CROT: variants seen among roughly 807,000 people sequenced by gnomAD.
CROT encodes carnitine O-octanoyltransferase.
CROT carries 84 observed loss-of-function variants against 89.2 expected under a neutral mutation model. That is an observed-to-expected ratio of 0.94 (90% CI 0.79 to 1.13). CROT has a LOEUF of 1.13. CROT is among the 50% of genes most tolerant of loss of function. The probability of loss-of-function intolerance (pLI) is 0.00; values close to 1 mark genes in which losing one functional copy is unlikely to be tolerated. For missense variants in CROT, 711 were observed against 727.8 expected, an observed-to-expected ratio of 0.98 and a Z score of 0.27; for synonymous variants, 212 against 239.5, an observed-to-expected ratio of 0.89 and a Z score of 1.06.
Position 87,395,166 on chromosome 7 carries a change from A to G in CROT, c.1718+2099A>G, listed in dbSNP as rs558721429. Among the ~76,000 whole-genome samples the G allele has an allele frequency of 4.6e-5, 7 of 152,316 alleles. No homozygotes were observed. In the East Asian group the frequency reaches 1.4e-3, roughly 29 times the overall value. On this transcript the variant is annotated intron_variant, in intron 17 of 17. Transcript: ENST00000331536. ...GCTGAGGGGCAAGAAAGCCAGTTTGAGTCCCACAGCTGAAGAAGTTAGAGT... is the reference window on the plus strand; with the variant it reads ...GCTGAGGGGCAAGAAAGCCAGTTTGGGTCCCACAGCTGAAGAAGTTAGAGT...
chr7:87,382,535 TCA>T lies in CROT; in HGVS notation c.1294_1295del (p.His432TrpfsTer8), dbSNP rs774547630. On this transcript the variant is annotated frameshift_variant, in exon 13 of 18. Transcript: ENST00000331536. LOFTEE classifies it high-confidence loss of function. ...CACTTCAGCTGGCCTATTACAGACT[TCA>T]TGGACAGTAAGGACCATTCAGTTTC... ...LALQLAYYRL[H>X]GHPGCCYETA... is the part of the protein sequence containing the mutation. 6.2e-7 allele frequency: 1 copy of T among 1,613,574 alleles called. No individual in the cohort carries two copies. The highest frequency in any genetic ancestry group is 8.5e-7 in the Non-Finnish European group (1 of 1,179,754).
In CROT at chr7:87,381,968, T is replaced by C. The variant is rs745719984; in HGVS notation, c.1037T>C (p.Ile346Thr). ...VNISYYVDEKIFQNEGRWKGS... is the reference protein window; with the variant it reads ...VNISYYVDEKTFQNEGRWKGS... Reference sequence around the variant, plus strand: ...ATCAGTTATTATGTGGATGAGAAAATTTTTCAGAATGAAGGAAGATGGAAG... The same window carrying C: ...ATCAGTTATTATGTGGATGAGAAAACTTTTCAGAATGAAGGAAGATGGAAG... Residue 346 changes from isoleucine (I) to threonine (T), a missense_variant, in exon 11 of 18, where the codon ATT (isoleucine) becomes ACT (threonine). Ile to Thr is a moderately conservative substitution (Grantham distance 89). Coordinates refer to ENST00000331536, the MANE Select transcript of CROT (RefSeq NM_021151.4). 6.2e-7 allele frequency: 1 copy of C among 1,609,624 alleles called. No homozygotes were observed.
At chr7:87,351,748 A>C (rs937014068) in intron 3 of CROT, among the ~76,000 whole-genome samples, 2 of 152,198 alleles carry the variant, frequency 1.3e-5, no homozygotes, top group African/African-American at 2.4e-5. Flanking sequence ...TTACTCCACT[A>C]GAGGTACTTA....
chr7:87,357,161 G>A (rs188875877), intron 3 of CROT, among the ~76,000 whole-genome samples: 225 of 152,334 alleles, frequency 1.5e-3, no homozygotes, highest in Middle Eastern at 0.014. Context: ...GCTGGCCATA[G>A]GGGCCACTGT....
At chr7:87,395,884 T>C (rs1406234385) in intron 17 of CROT, among the ~76,000 whole-genome samples, 1 of 152,136 alleles carries the variant, frequency 6.6e-6, no homozygotes, top group Non-Finnish European at 1.5e-5. Flanking sequence ...GAAAGGATTG[T>C]CACCAAGGAT....
At chr7:87,350,138 G>T (rs1464320392) in intron 3 of CROT, among the ~76,000 whole-genome samples, 2 of 152,112 alleles carry the variant, frequency 1.3e-5, no homozygotes, top group East Asian at 1.9e-4. Context: ...CTTTCCAAGT[G>T]CTGGAAAGCT....
Position 87,359,256 on chromosome 7 carries a change from C to G in CROT, c.166C>G (p.Gln56Glu). ...EEYKKTEEIV[Q>E]KFQSGIGEKL... ...ATATAAGAAAACTGAAGAAATAGTT[C>G]AAAAATTTCAAAGTGGGATTGGAGA... Residue 56 changes from glutamine to glutamate, a missense_variant, in exon 4 of 18, where the codon CAA (glutamine) becomes GAA (glutamate). Gln to Glu is a conservative substitution (Grantham distance 29). Transcript: ENST00000331536. 1 of 1,592,286 alleles carries G rather than the reference C, an allele frequency of 6.3e-7. No individual in the cohort carries two copies.
intron 3 of CROT, among the ~76,000 whole-genome samples, chr7:87,355,496 A>G (rs1806035475): frequency 6.6e-6 from 1 of 152,156 alleles, no homozygotes; most frequent in South Asian, 2.1e-4. Context: ...AATAAGCTCT[A>G]AATTATATAA....
At chr7:87,365,946 A>G (rs1806432813) in intron 6 of CROT, among the ~76,000 whole-genome samples, 1 of 152,064 alleles carries the variant, frequency 6.6e-6, no homozygotes, top group Non-Finnish European at 1.5e-5. Context: ...CTAGGAGACC[A>G]TTAAGACTAA....
At chr7:87,398,404 A>C in intron 17 of CROT, 120 bp from the exon 18 acceptor site, 1 of 1,238,558 alleles carries the variant, frequency 8.1e-7, no homozygotes, top group South Asian at 1.2e-5. Context: ...CATTTACCTA[A>C]TGTCAGCAAG....
At chr7:87,382,023 T>C in intron 11 of CROT, 30 bp downstream of exon 11, 1 of 1,584,100 alleles carries the variant, frequency 6.3e-7, no homozygotes, top group South Asian at 1.1e-5. Context: ...TCATCTTTTT[T>C]CTCCTAATAG....
At chr7:87,356,641 C>T (rs1374238223) in intron 3 of CROT, among the ~76,000 whole-genome samples, 1 of 152,142 alleles carries the variant, frequency 6.6e-6, no homozygotes, top group Non-Finnish European at 1.5e-5. Context: ...AATGAGACTC[C>T]AGGTTTCCAC....
chr7:87,373,303 A>G (rs956653034), intron 7 of CROT, among the ~76,000 whole-genome samples: 1 of 152,020 alleles, frequency 6.6e-6, no homozygotes, highest in African/African-American at 2.4e-5. Context: ...TTATTATTGA[A>G]TTGTAATCGT....
At chr7:87,350,122 G>T (rs912760852) in intron 3 of CROT, among the ~76,000 whole-genome samples, 1 of 152,196 alleles carries the variant, frequency 6.6e-6, no homozygotes, top group African/African-American at 2.4e-5. Context: ...ATACTGAAAA[G>T]AAATGCTTTC....
At chr7:87,375,432 G>A in intron 7 of CROT, 200 bp from the exon 8 acceptor site, 1 of 491,848 alleles carries the variant, frequency 2.0e-6, no homozygotes, top group Middle Eastern at 5.3e-4. Flanking sequence ...TTAAATTATT[G>A]TCAAATATGC....
intron 13 of CROT, among the ~76,000 whole-genome samples, chr7:87,384,177 T>C (rs1450701494): frequency 6.6e-6 from 1 of 152,160 alleles, no homozygotes; most frequent in Non-Finnish European, 1.5e-5. Context: ...TGATTAGTGA[T>C]GTTGAGCATT....
chr7:87,360,831 T>C (rs1806242849), intron 4 of CROT, among the ~76,000 whole-genome samples: 1 of 152,198 alleles, frequency 6.6e-6, no homozygotes, highest in South Asian at 2.1e-4. Flanking sequence ...AAGGTATCTT[T>C]TGGTGCTTTC....
rs749600915 is a variant in CROT, at chr7:87,393,011, GGTA to G, written c.1665_1667del (p.Val556del). ...TTGGCTATTTACGAGTCCAGGGAGT[GGTA>G]GTTCCCATGGTACACAATGGTTATG... On this transcript the variant is annotated inframe_deletion, in exon 17 of 18. Coordinates refer to ENST00000331536, the MANE Select transcript of CROT (RefSeq NM_021151.4). 1.1e-5 allele frequency: 17 copies of G among 1,613,368 alleles called. No individual in the cohort carries two copies. In the East Asian group the frequency reaches 1.3e-4, roughly 13 times the overall value.
chr7:87,347,522 T>G (rs529499397), intron 2 of CROT, among the ~76,000 whole-genome samples: 4 of 152,246 alleles, frequency 2.6e-5, no homozygotes, highest in Non-Finnish European at 5.9e-5. Flanking sequence ...CAAACCCATT[T>G]TTATGGATGG....
Sources: gnomAD v4.1 joint callset for allele counts (sites outside exome capture counted in the v4.1 genomes callset) on GRCh38, gnomAD v4.1.1 for gene constraint, MANE v1.5 for transcripts, NCBI Gene and HGNC (gene_info 2026-07-23, HGNC 2026-07-21) for gene names.